The following CCSER1 variants were observed in gnomAD, a reference collection of about 807,000 sequenced individuals.
CCSER1 encodes the protein coiled-coil serine rich protein 1.
In CCSER1, 41 loss-of-function variants were observed where a neutral mutation model predicts 82.0. The observed-to-expected ratio is 0.50, with a 90% CI of 0.39 to 0.65. The LOEUF is 0.65. Ranked by LOEUF, CCSER1 falls within the 30% of genes least tolerant of loss-of-function variation. The pLI, the probability that CCSER1 is intolerant of heterozygous loss-of-function variation, is 0.00. For missense variants in CCSER1, 1,119 were observed against 1,064.2 expected (o/e 1.05, Z -0.72); for synonymous variants, 414 against 383.9 (o/e 1.08, Z -0.92).
At chr4:90,374,061 T>A (rs942433723) in intron 3 of CCSER1, among the ~76,000 whole-genome samples, 1 of 152,228 alleles carries the variant, frequency 6.6e-6, no homozygotes, top group African/African-American at 2.4e-5. Context: ...TCCACGAAAC[T>A]GTAGCAGGCT....
intron 10 of CCSER1, among the ~76,000 whole-genome samples, chr4:91,184,059 T>A (rs1734297277): frequency 6.6e-6 from 1 of 152,212 alleles, no homozygotes; most frequent in East Asian, 1.9e-4. Context: ...GCAGTATGAA[T>A]TTTGTCAGGA....
At chr4:91,465,313 C>A (rs1242180199) in intron 10 of CCSER1, among the ~76,000 whole-genome samples, 1 of 152,108 alleles carries the variant, frequency 6.6e-6, no homozygotes, top group Non-Finnish European at 1.5e-5. Context: ...TCAATGGGAA[C>A]AAGGACACAA....
At chr4:90,567,588 C>T (rs899557384) in intron 5 of CCSER1, among the ~76,000 whole-genome samples, 1 of 150,422 alleles carries the variant, frequency 6.6e-6, no homozygotes, top group African/African-American at 2.5e-5. Context: ...TTGCACCCAG[C>T]CAGAAATTTT....
chr4:90,267,404 G>A (rs1289133032), intron 1 of CCSER1, among the ~76,000 whole-genome samples: 1 of 152,094 alleles, frequency 6.6e-6, no homozygotes, highest in Admixed American at 6.5e-5. Flanking sequence ...GACCCACCTG[G>A]GGCCTGGGGA....
At chr4:90,819,837 A>G (rs1759505386) in intron 8 of CCSER1, among the ~76,000 whole-genome samples, 2 of 152,220 alleles carry the variant, frequency 1.3e-5, no homozygotes, top group African/African-American at 4.8e-5. Context: ...ATCGAGATAA[A>G]AATAATCACT....
At chr4:91,380,219 T>G (rs1318593785) in intron 10 of CCSER1, among the ~76,000 whole-genome samples, 1 of 152,192 alleles carries the variant, frequency 6.6e-6, no homozygotes, top group African/African-American at 2.4e-5. Context: ...ATAATATATA[T>G]TCTGTTGATT....
At chr4:91,082,994 A>T (rs540708876) in intron 9 of CCSER1, among the ~76,000 whole-genome samples, 68 of 152,196 alleles carry the variant, frequency 4.5e-4, no homozygotes, top group Non-Finnish European at 6.8e-4. Flanking sequence ...ATTGTGGAAG[A>T]CAGTGTGGCG....
At chr4:90,307,698 T>C (rs1205429487) in intron 1 of CCSER1, among the ~76,000 whole-genome samples, 1 of 152,092 alleles carries the variant, frequency 6.6e-6, no homozygotes, top group Admixed American at 6.6e-5. Flanking sequence ...TGGCTTTTCT[T>C]TGAGTGCTGA....
At chr4:90,897,185 G>T (rs1215897236) in intron 8 of CCSER1, among the ~76,000 whole-genome samples, 1 of 151,778 alleles carries the variant, frequency 6.6e-6, no homozygotes, top group Non-Finnish European at 1.5e-5. Context: ...TGTTACATGG[G>T]TATATTGTGT....
intron 8 of CCSER1, among the ~76,000 whole-genome samples, chr4:90,852,651 G>A (rs1764019087): frequency 6.6e-6 from 1 of 152,190 alleles, no homozygotes; most frequent in Non-Finnish European, 1.5e-5. Flanking sequence ...ATGCTAGCTA[G>A]GAAGAACATT....
intron 10 of CCSER1, among the ~76,000 whole-genome samples, chr4:91,404,590 TTG>T (rs1337275656): frequency 6.6e-6 from 1 of 152,208 alleles, no homozygotes; most frequent in African/African-American, 2.4e-5. Context: ...TTCTGGTATG[TTG>T]TGTCTTTGTT....
chr4:90,303,410 G>A (rs987082143), intron 1 of CCSER1, among the ~76,000 whole-genome samples: 2 of 151,998 alleles, frequency 1.3e-5, no homozygotes, highest in East Asian at 3.9e-4. Flanking sequence ...ATACTACAAG[G>A]CTACAGTAAC....
At chr4:90,692,776 A>G (rs150460749) in intron 6 of CCSER1, among the ~76,000 whole-genome samples, 91 of 152,044 alleles carry the variant, frequency 6.0e-4, no homozygotes, top group African/African-American at 1.9e-3. Flanking sequence ...ATATTATTTT[A>G]TTTTAGTCCT....
At chr4:90,909,392 G>C (rs1725991528) in intron 8 of CCSER1, among the ~76,000 whole-genome samples, 1 of 152,068 alleles carries the variant, frequency 6.6e-6, no homozygotes, top group Admixed American at 6.6e-5. Flanking sequence ...GGTGGTGGTG[G>C]CTTGTACACA....
chr4:91,220,901 CAATTT>C (rs1318787037), intron 10 of CCSER1, among the ~76,000 whole-genome samples: 1 of 151,734 alleles, frequency 6.6e-6, no homozygotes, highest in Non-Finnish European at 1.5e-5. Context: ...TAAATACATA[CAATTT>C]AAAAAACAAA....
At chr4:91,240,232 C>T (rs1480490781) in intron 10 of CCSER1, among the ~76,000 whole-genome samples, 3 of 61,462 alleles carry the variant, frequency 4.9e-5, no homozygotes, top group Admixed American at 1.7e-4. Flanking sequence ...CCAGCCACCA[C>T]GCCCGGCTAA....
At chr4:90,799,717 A>G (rs1219587884) in intron 7 of CCSER1, among the ~76,000 whole-genome samples, 1 of 152,166 alleles carries the variant, frequency 6.6e-6, no homozygotes, top group Non-Finnish European at 1.5e-5. Flanking sequence ...GAGCAAGTCA[A>G]ACCAAGGGGG....
intron 8 of CCSER1, among the ~76,000 whole-genome samples, chr4:90,832,383 G>C (rs568081354): frequency 6.6e-6 from 1 of 152,030 alleles, no homozygotes; most frequent in East Asian, 1.9e-4. Flanking sequence ...GAATGAGCAA[G>C]CTACATAAAT....
intron 6 of CCSER1, among the ~76,000 whole-genome samples, chr4:90,710,955 T>C (rs973076846): frequency 3.3e-5 from 5 of 152,112 alleles, no homozygotes; most frequent in African/African-American, 9.6e-5. Context: ...ATTCTTCTTA[T>C]CCGTGAGCAT....
Sources: allele counts gnomAD v4.1 joint callset (sites outside exome capture counted in the v4.1 genomes callset), GRCh38; gene constraint gnomAD v4.1.1; transcripts MANE v1.5; gene names NCBI Gene and HGNC (gene_info 2026-07-23, HGNC 2026-07-21).